Variants in SLC25A6 observed in about 807,000 individuals in gnomAD.
SLC25A6 encodes ADP/ATP translocase 3.
A neutral mutation model predicts 25.7 loss-of-function variants in SLC25A6; 9 were observed. The observed-to-expected ratio is 0.35, with a 90% CI of 0.21 to 0.61. The LOEUF (loss-of-function observed/expected upper bound fraction) is 0.61, where lower values mean the gene tolerates loss of function less well. SLC25A6 is among the 20% of genes least tolerant of loss of function. The pLI is 0.76. For synonymous variants in SLC25A6, 223 were observed against 197.0 expected, an observed-to-expected ratio of 1.13 and a Z score of -1.11; for missense variants, 404 against 440.5, an observed-to-expected ratio of 0.92 and a Z score of 0.74.
At position 1,389,230 on chromosome X, in the gene SLC25A6, G is replaced by A. The variant is rs1311957878; in HGVS notation, c.598+11C>T. The A allele has an allele frequency of 1.2e-6, 2 of 1,606,654 alleles. No individual in the cohort carries two copies. The highest frequency in any genetic ancestry group is 1.7e-6 in the Non-Finnish European group (2 of 1,174,154). ...CCGTCTCTGGGACTTCGCGATGGCA[G>A]CCACACGTACCCTTGGCCGTATCGT... On this transcript the variant is annotated intron_variant, in intron 2 of 3. Coordinates refer to ENST00000381401, the MANE Select transcript of SLC25A6 (RefSeq NM_001636.4).
chrX:1,390,229 T>C, intron 1 of SLC25A6: 1 of 170,302 alleles, frequency 5.9e-6, no homozygotes, highest in Non-Finnish European at 1.3e-5. Flanking sequence ...ACCAAGCTGC[T>C]CTCAAACTCC....
At chrX:1,391,335 C>T (rs776184309) in intron 1 of SLC25A6, among the ~76,000 whole-genome samples, 4 of 152,316 alleles carry the variant, frequency 2.6e-5, no homozygotes, top group Non-Finnish European at 5.9e-5. Flanking sequence ...CGGCAATGTT[C>T]CTAGGCATCA....
chrX:1,389,791 C>T (rs1444466320), intron 1 of SLC25A6, 64 bp from the exon 2 acceptor site: 35 of 1,577,568 alleles, frequency 2.2e-5, no homozygotes, highest in Non-Finnish European at 2.7e-5. Context: ...ATCCCAGCTA[C>T]AGGGTGCATC....
chrX:1,387,143 G>A, intron 3 of SLC25A6, 136 bp downstream of exon 3: 1 of 1,095,526 alleles, frequency 9.1e-7, no homozygotes, highest in African/African-American at 1.6e-5. Flanking sequence ...ACACAGCCAG[G>A]TTACTTTCGG....
chrX:1,390,417 C>T (rs1220544301), intron 1 of SLC25A6: 7 of 152,858 alleles, frequency 4.6e-5, no homozygotes, highest in Non-Finnish European at 8.7e-5. Context: ...CACGGTGAAA[C>T]CCTGTCTCTA....
At chrX:1,387,865 G>A (rs772785601) in intron 2 of SLC25A6, among the ~76,000 whole-genome samples, 2 of 152,084 alleles carry the variant, frequency 1.3e-5, no homozygotes, top group East Asian at 1.9e-4. Flanking sequence ...CTGATCCTAC[G>A]ACCCCAGTGT....
chrX:1,386,947 G>A (rs1303308542), intron 3 of SLC25A6, among the ~76,000 whole-genome samples, 188 bp from the exon 4 acceptor site: 5 of 152,032 alleles, frequency 3.3e-5, no homozygotes, highest in Admixed American at 6.6e-5. Flanking sequence ...CTCAGGGAGG[G>A]CTGGACACAG....
rs1176073143 is a variant in SLC25A6, at chrX:1,391,907, G to A, written c.103C>T (p.Leu35=). ...CGCGCCCGCGTCCCCACCTGCAGCA[G>A]CAGCTTGACCCGCTCGATCGGAGCC... ...AVAPIERVKL[L]LQVQHASKQI... Residue 35 remains leucine (L), a synonymous_variant, in exon 1 of 4, where the codon CTG becomes TTG. Transcript: ENST00000381401. 3.7e-6 allele frequency: 6 copies of A among 1,604,658 alleles called. No homozygotes were observed. In the South Asian group the frequency reaches 5.6e-5, roughly 15 times the overall value.
intron 3 of SLC25A6, 65 bp from the exon 4 acceptor site, chrX:1,386,824 C>A: frequency 1.3e-6 from 2 of 1,541,376 alleles, no homozygotes; most frequent in Non-Finnish European, 1.8e-6. Flanking sequence ...ACGCCACCTG[C>A]ACCCACAAAG....
At position 1,387,287 on chromosome X, in the gene SLC25A6, C is replaced by T. The variant is rs766894283; in HGVS notation, c.731G>A (p.Arg244His). The change falls in exon 3 of 4, where the codon CGC becomes CAC. Residue 244 changes from arginine (R) to histidine (H), a missense_variant. Transcript: ENST00000381401. ...CCCGCCCCCCCGAGTACCTCCTTTGCGCCCGGACTGCATCATCATGCGCCG... is the reference window on the plus strand; with the variant it reads ...CCCGCCCCCCCGAGTACCTCCTTTGTGCCCGGACTGCATCATCATGCGCCG... ...VRRRMMMQSGRKGADIMYTGT... is the reference protein window; with the variant it reads ...VRRRMMMQSGHKGADIMYTGT... 2.6e-5 allele frequency: 42 copies of T among 1,612,394 alleles called. No homozygotes were observed. The highest frequency in any genetic ancestry group is 4.4e-5 in the South Asian group (4 of 91,030).
chrX:1,387,661 C>T (rs1383870825), intron 2 of SLC25A6, among the ~76,000 whole-genome samples: 4 of 152,174 alleles, frequency 2.6e-5, no homozygotes, highest in East Asian at 1.9e-4. Flanking sequence ...TCCCAGAGGC[C>T]GGGGTTAGGC....
At chrX:1,387,234 TG>T in intron 3 of SLC25A6, 44 bp downstream of exon 3, 1 of 1,603,018 alleles carries the variant, frequency 6.2e-7, no homozygotes, top group Non-Finnish European at 8.5e-7. Flanking sequence ...GCAAGGAGCT[TG>T]GTTCCCCTTC....
At chrX:1,387,579 A>AC (rs2089342402) in intron 2 of SLC25A6, among the ~76,000 whole-genome samples, 160 bp from the exon 3 acceptor site, 1 of 152,050 alleles carries the variant, frequency 6.6e-6, no homozygotes, top group African/African-American at 2.4e-5. Context: ...GCTGACGTTT[A>AC]CAACACGAGA....
intron 2 of SLC25A6, 136 bp from the exon 3 acceptor site, chrX:1,387,555 G>C (rs1603449644): frequency 1.6e-6 from 2 of 1,263,338 alleles, no homozygotes; most frequent in Non-Finnish European, 1.1e-6. Context: ...CCTCCACGTG[G>C]CTGCTCAGTG....
In SLC25A6 at chrX:1,391,996, G is replaced by T. The variant is rs2089420830; in HGVS notation, c.14C>A (p.Ala5Asp). 1.9e-6 allele frequency: 3 copies of T among 1,607,584 alleles called. No individual in the cohort carries two copies. Among genetic ancestry groups the T allele is most frequent in the Non-Finnish European group, 2.5e-6 (3 of 1,178,152 alleles). Reference protein sequence around the residue: MTEQAISFAKDFLAG... With the variant: MTEQDISFAKDFLAG... Reference sequence around the variant, plus strand: ...CAAGAAGTCTTTGGCGAAGGAGATGGCCTGTTCCGTCATGGTGGCAGGGCG... The same window carrying T: ...CAAGAAGTCTTTGGCGAAGGAGATGTCCTGTTCCGTCATGGTGGCAGGGCG... The change falls in exon 1 of 4, where the codon GCC becomes GAC. Residue 5 changes from alanine to aspartate, a missense_variant. Coordinates refer to ENST00000381401, the MANE Select transcript of SLC25A6 (RefSeq NM_001636.4).
At position 1,386,581 on chromosome X, in the gene SLC25A6, G is replaced by A; in HGVS notation, c.*21C>T. 6.5e-7 allele frequency: 1 copy of A among 1,535,492 alleles called. No individual in the cohort carries two copies. Among genetic ancestry groups the A allele is most frequent in the East Asian group, 2.4e-5 (1 of 41,392 alleles). Reference sequence around the variant, plus strand: ...CTTGGTTCCCCTGGTGTGTGTGTGTGTGTGGAGGAGGCCGCGGCCCTTAGA... The same window carrying A: ...CTTGGTTCCCCTGGTGTGTGTGTGTATGTGGAGGAGGCCGCGGCCCTTAGA... On this transcript the variant is annotated 3_prime_UTR_variant, in exon 4 of 4. Transcript: ENST00000381401.
In SLC25A6 at chrX:1,389,328, G is replaced by T. The variant is rs367802939; in HGVS notation, c.511C>A (p.Arg171=). 2 of 1,613,752 alleles carry T rather than the reference G, an allele frequency of 1.2e-6. No homozygotes were observed. Among genetic ancestry groups the T allele is most frequent in the Admixed American group, 3.3e-5 (2 of 59,992 alleles). ...ACACTGAAGCCCTGGTACAGGCCCC[G>T]GATGCCGTCGGACTTGGTGATCTTC... ...LVKITKSDGI[R]GLYQGFSVSV... Residue 171 remains arginine (R), a synonymous_variant, in exon 2 of 4, where the codon CGG becomes AGG. Transcript: ENST00000381401.
intron 1 of SLC25A6, chrX:1,390,373 G>C (rs1282168543): frequency 6.5e-6 from 1 of 154,152 alleles, no homozygotes; most frequent in Non-Finnish European, 1.4e-5. Context: ...TGAGGTGGGT[G>C]GATCACGACG....
intron 1 of SLC25A6, among the ~76,000 whole-genome samples, chrX:1,391,371 A>T (rs1230355467): frequency 6.6e-6 from 1 of 152,194 alleles, no homozygotes; most frequent in Non-Finnish European, 1.5e-5. Context: ...GCCTCTCCCA[A>T]AAGACAAAAA....
Sources: allele counts gnomAD v4.1 joint callset (sites outside exome capture counted in the v4.1 genomes callset), GRCh38; gene constraint gnomAD v4.1.1; transcripts MANE v1.5; gene names NCBI Gene and HGNC (gene_info 2026-07-23, HGNC 2026-07-21).